Variants in LDLRAD3 observed in about 807,000 individuals in gnomAD.
LDLRAD3 encodes low density lipoprotein receptor class A domain containing 3, also known as low-density lipoprotein receptor class A domain-containing protein 3.
In LDLRAD3, 20 loss-of-function variants were observed where a neutral mutation model predicts 29.4. The ratio of observed to expected loss-of-function variants is 0.68; its 90% CI spans 0.48 to 0.99. LDLRAD3 has a LOEUF of 0.99. Ranked by LOEUF, LDLRAD3 falls within the 50% of genes least tolerant of loss-of-function variation. The pLI is 0.00. For synonymous variants in LDLRAD3, 157 were observed against 192.7 expected, an observed-to-expected ratio of 0.81 and a Z score of 1.53; for missense variants, 420 against 454.3, an observed-to-expected ratio of 0.92 and a Z score of 0.69.
At chr11:36,137,840 G>A (rs972664753) in intron 4 of LDLRAD3, among the ~76,000 whole-genome samples, 1 of 152,254 alleles carries the variant, frequency 6.6e-6, no homozygotes, top group Non-Finnish European at 1.5e-5. Flanking sequence ...AGTGAGCAGA[G>A]GAATGGGTAA....
At chr11:36,010,176 T>A (rs1464269491) in intron 1 of LDLRAD3, 2 of 154,338 alleles carry the variant, frequency 1.3e-5, no homozygotes, top group African/African-American at 2.4e-5. Flanking sequence ...GCAGAAGAAA[T>A]GCAAACAAAG....
At chr11:36,166,686 C>A (rs1441201705) in intron 4 of LDLRAD3, among the ~76,000 whole-genome samples, 1 of 152,154 alleles carries the variant, frequency 6.6e-6, no homozygotes, top group Non-Finnish European at 1.5e-5. Context: ...GACTTCAAGC[C>A]TTTTATTATA....
rs1026367396 is a variant in LDLRAD3, at chr11:36,213,697, G to C, written c.455-13388G>C. Among the ~76,000 whole-genome samples, 1 of 152,220 alleles carries C rather than the reference G, an allele frequency of 6.6e-6. No individual in the cohort carries two copies. Among genetic ancestry groups the C allele is most frequent in the African/African-American group, 2.4e-5 (1 of 41,460 alleles). Reference sequence around the variant, plus strand: ...GGGGTCAGGCCTGCTCCCCGCACCTGAGCACAGGGCCCAGCCAGGATCTGG... The same window carrying C: ...GGGGTCAGGCCTGCTCCCCGCACCTCAGCACAGGGCCCAGCCAGGATCTGG... On this transcript the variant is annotated intron_variant, in intron 4 of 5. Coordinates refer to ENST00000315571, the MANE Select transcript of LDLRAD3 (RefSeq NM_174902.4). This position sits in a 1 kb window ranked among gnomAD's most constrained non-coding sequence, Gnocchi z 4.1.
At chr11:35,989,265 G>T (rs1452637969) in intron 1 of LDLRAD3, among the ~76,000 whole-genome samples, 1 of 152,122 alleles carries the variant, frequency 6.6e-6, no homozygotes, top group Non-Finnish European at 1.5e-5. Context: ...TGCTGTTTTG[G>T]TTCGTGTAGC....
intron 1 of LDLRAD3, among the ~76,000 whole-genome samples, chr11:36,005,437 A>C (rs1307907176): frequency 6.6e-6 from 1 of 152,180 alleles, no homozygotes. Flanking sequence ...GTTCCCGATA[A>C]GTTCCTCATC....
chr11:36,169,002 CTG>C (rs1446143836), intron 4 of LDLRAD3, among the ~76,000 whole-genome samples: 1 of 152,142 alleles, frequency 6.6e-6, no homozygotes, highest in Non-Finnish European at 1.5e-5. Context: ...TGAGGAATGA[CTG>C]TATTCCCATT....
intron 1 of LDLRAD3, among the ~76,000 whole-genome samples, chr11:35,984,275 G>A (rs1007762699): frequency 6.6e-6 from 1 of 152,042 alleles, no homozygotes; most frequent in Non-Finnish European, 1.5e-5. Flanking sequence ...CGCCCACAAT[G>A]CATTAGGCAT....
intron 4 of LDLRAD3, among the ~76,000 whole-genome samples, chr11:36,100,445 T>A (rs4755433): frequency 1.3e-5 from 2 of 151,894 alleles, no homozygotes; most frequent in Admixed American, 6.6e-5. Context: ...TTTCTTTTTT[T>A]GGGGGGATGG....
chr11:36,015,663 C>T (rs898974985), intron 1 of LDLRAD3, among the ~76,000 whole-genome samples: 10 of 151,466 alleles, frequency 6.6e-5, no homozygotes, highest in African/African-American at 9.7e-5. Context: ...CCTCCCCCTG[C>T]CCCCCGCCAC....
At chr11:36,094,531 C>CCTTTT (rs886849207) in intron 3 of LDLRAD3, among the ~76,000 whole-genome samples, 1 of 152,072 alleles carries the variant, frequency 6.6e-6, no homozygotes, top group Non-Finnish European at 1.5e-5. Flanking sequence ...AACATTTGAG[C>CCTTTT]CTTTTCTTTT....
intron 1 of LDLRAD3, among the ~76,000 whole-genome samples, chr11:35,985,487 G>T (rs1421565741): frequency 6.6e-6 from 1 of 152,120 alleles, no homozygotes; most frequent in African/African-American, 2.4e-5. Context: ...TAGTACCTGG[G>T]CTCTAGTCAG....
intron 4 of LDLRAD3, among the ~76,000 whole-genome samples, chr11:36,128,196 CTGTT>C (rs1315213945): frequency 1.4e-5 from 2 of 147,424 alleles, no homozygotes; most frequent in Non-Finnish European, 3.0e-5. Flanking sequence ...AATTAATTCC[CTGTT>C]TGTTTGTAAT....
At chr11:36,054,710 G>GAT (rs1852580580) in intron 2 of LDLRAD3, among the ~76,000 whole-genome samples, 2 of 102,748 alleles carry the variant, frequency 1.9e-5, no homozygotes, top group Admixed American at 1.1e-4. Context: ...TGGATGGGTG[G>GAT]GTGGATGGAT....
intron 4 of LDLRAD3, among the ~76,000 whole-genome samples, chr11:36,126,774 G>T (rs185165387): frequency 2.1e-4 from 32 of 152,328 alleles, no homozygotes; most frequent in South Asian, 4.1e-4. Flanking sequence ...TTTAATTTCT[G>T]TTGAAAGGAA....
intron 4 of LDLRAD3, among the ~76,000 whole-genome samples, chr11:36,149,470 C>T (rs1015193605): frequency 1.3e-5 from 2 of 152,072 alleles, no homozygotes; most frequent in Admixed American, 6.6e-5. Flanking sequence ...TTGGAAGGCC[C>T]CAGAAAGACA....
chr11:36,229,620 T>TTTTTAATG lies in LDLRAD3; in HGVS notation c.*223_*224insTTTTAATG. The TTTTTAATG allele has an allele frequency of 2.1e-6, 1 of 485,828 alleles. No homozygotes were observed. Among genetic ancestry groups the TTTTTAATG allele is most frequent in the South Asian group, 4.5e-5 (1 of 22,282 alleles). The allele number at this position is 485,828 out of a possible 1,614,324, so 30.1% of individuals were successfully genotyped here. On this transcript the variant is annotated 3_prime_UTR_variant, in exon 6 of 6. Transcript: ENST00000315571. Reference sequence around the variant, plus strand: ...TTGTGCGTCTTTTCTGTCAGGTCACTCTTCCCTTGGGACCCGAGATCACAC... The same window carrying TTTTTAATG: ...TTGTGCGTCTTTTCTGTCAGGTCACTTTTTAATGCTTCCCTTGGGACCCGAGATCACAC...
At chr11:35,975,487 T>G (rs1250302426) in intron 1 of LDLRAD3, among the ~76,000 whole-genome samples, 2 of 152,222 alleles carry the variant, frequency 1.3e-5, no homozygotes, top group African/African-American at 4.8e-5. Context: ...CTCTGCATTT[T>G]CGTTTTCCCC....
At chr11:35,982,922 C>G (rs1332167863) in intron 1 of LDLRAD3, among the ~76,000 whole-genome samples, 1 of 138,578 alleles carries the variant, frequency 7.2e-6, no homozygotes, top group African/African-American at 2.7e-5. Flanking sequence ...GTCGCAATCT[C>G]AACTCATTAC....
chr11:36,005,628 G>T (rs262411), intron 1 of LDLRAD3, among the ~76,000 whole-genome samples: 146,146 of 152,296 alleles, frequency 0.96, 70,418 homozygotes, highest in East Asian at 1. Context: ...ACTTTCACAT[G>T]TTCTGGTATC....
Sources: allele counts gnomAD v4.1 joint callset (sites outside exome capture counted in the v4.1 genomes callset), GRCh38; gene constraint gnomAD v4.1.1; non-coding constraint Gnocchi (gnomAD v3.1); transcripts MANE v1.5; gene names NCBI Gene and HGNC (gene_info 2026-07-23, HGNC 2026-07-21).